Variants in MCPH1 observed in about 807,000 individuals in gnomAD.
MCPH1 encodes microcephalin.
Under a neutral mutation model 84.5 loss-of-function variants are expected in MCPH1, and 104 were observed. That is an observed-to-expected ratio of 1.23 (90% CI 1.05 to 1.45). The LOEUF (loss-of-function observed/expected upper bound fraction) is 1.45, where lower values mean the gene tolerates loss of function less well. MCPH1 is among the 40% of genes most tolerant of loss of function. MCPH1 has a pLI of 0.00. For synonymous variants in MCPH1, 514 were observed against 366.8 expected, an observed-to-expected ratio of 1.40 and a Z score of -4.58; for missense variants, 1,498 against 1,005.7, an observed-to-expected ratio of 1.49 and a Z score of -6.62.
intron 11 of MCPH1, among the ~76,000 whole-genome samples, chr8:6,495,274 G>T (rs1811105654): frequency 6.6e-6 from 1 of 152,118 alleles, no homozygotes; most frequent in Admixed American, 6.5e-5. Context: ...AACTACATGG[G>T]TGCTTTTTTA....
chr8:6,582,129 C>T (rs1211467975), intron 12 of MCPH1, among the ~76,000 whole-genome samples: 6 of 152,290 alleles, frequency 3.9e-5, no homozygotes, highest in African/African-American at 1.2e-4. Flanking sequence ...TTGTAAAGGA[C>T]GTCTGAGTGG....
intron 13 of MCPH1, chr8:6,622,216 C>T (rs547030371): frequency 1.4e-4 from 25 of 182,706 alleles, no homozygotes; most frequent in African/African-American, 5.6e-4. Context: ...ACAGTGTGAC[C>T]GTAATGTCCC....
At chr8:6,581,905 C>T (rs113166013) in intron 12 of MCPH1, among the ~76,000 whole-genome samples, 25 of 152,250 alleles carry the variant, frequency 1.6e-4, no homozygotes, top group African/African-American at 6.0e-4. Flanking sequence ...GGTGAGGGAG[C>T]TCTCTGGGGT....
chr8:6,553,416 C>T (rs147506705), intron 12 of MCPH1, among the ~76,000 whole-genome samples: 8 of 152,282 alleles, frequency 5.3e-5, no homozygotes, highest in Non-Finnish European at 5.9e-5. Context: ...GTTAAAAGTA[C>T]ACTAGCACAC....
At chr8:6,504,314 G>T (rs532395390) in intron 12 of MCPH1, among the ~76,000 whole-genome samples, 92 of 55,114 alleles carry the variant, frequency 1.7e-3, no homozygotes, top group African/African-American at 7.6e-3. Flanking sequence ...TGAGACTCCA[G>T]CTCAAAAAAA....
intron 8 of MCPH1, 90 bp downstream of exon 8, chr8:6,445,637 C>A (rs1804241000): frequency 6.7e-7 from 1 of 1,491,708 alleles, no homozygotes; most frequent in Admixed American, 2.4e-5. Context: ...TTTTTCATAA[C>A]TTATTTCCCC....
intron 9 of MCPH1, among the ~76,000 whole-genome samples, chr8:6,455,663 C>T (rs1805594606): frequency 2.0e-5 from 3 of 152,206 alleles, no homozygotes; most frequent in Admixed American, 6.5e-5. Flanking sequence ...GGTTTATATA[C>T]TAACACTCAG....
chr8:6,489,334 G>C (rs533089134), intron 11 of MCPH1, among the ~76,000 whole-genome samples: 1 of 151,982 alleles, frequency 6.6e-6, no homozygotes, highest in Non-Finnish European at 1.5e-5. Context: ...AGGGGGACCC[G>C]GGAACGGCTA....
intron 11 of MCPH1, among the ~76,000 whole-genome samples, chr8:6,493,125 A>G (rs1810838457): frequency 6.6e-6 from 1 of 152,192 alleles, no homozygotes; most frequent in Non-Finnish European, 1.5e-5. Flanking sequence ...TTTCCTTTTG[A>G]TAAGAGAAGT....
chr8:6,409,976 A>ATTTTTTTTTTTTTTTT (rs34420641), intron 2 of MCPH1, among the ~76,000 whole-genome samples: 1 of 147,584 alleles, frequency 6.8e-6, no homozygotes, highest in African/African-American at 2.5e-5. Context: ...GTAGGGAGTA[A>ATTTTTTTTTTTTTTTT]TTTTTTTTTT....
chr8:6,532,874 AATG>A (rs1160049485), intron 12 of MCPH1, among the ~76,000 whole-genome samples: 1 of 152,190 alleles, frequency 6.6e-6, no homozygotes, highest in Admixed American at 6.5e-5. Context: ...GCAGTCAGGA[AATG>A]ATAATTTGAC....
intron 12 of MCPH1, among the ~76,000 whole-genome samples, chr8:6,503,945 C>G (rs1382038784): frequency 3.3e-5 from 5 of 152,166 alleles, no homozygotes; most frequent in African/African-American, 7.2e-5. Flanking sequence ...CCCCCCTTAT[C>G]TGCTATTTTT....
intron 9 of MCPH1, chr8:6,473,734 G>C: frequency 1.9e-6 from 1 of 532,552 alleles, no homozygotes; most frequent in East Asian, 3.1e-5. Flanking sequence ...TCCGCCTGCT[G>C]GTCCTGCAAC....
rs774188140 is a variant in MCPH1 at position 6,499,896 on chromosome 8, G to A, written c.2181G>A (p.Pro727=). 25 of 1,613,504 alleles carry A rather than the reference G, an allele frequency of 1.5e-5. No individual in the cohort carries two copies. The highest frequency in any genetic ancestry group is 1.8e-4 in the Middle Eastern group (1 of 5,702). Residue 727 remains proline (P), a synonymous_variant, in exon 12 of 14, where the codon CCG becomes CCA. Coordinates refer to ENST00000344683, the MANE Select transcript of MCPH1 (RefSeq NM_024596.5). ...LELGHWISEE[P]FELSHHFPAA... ...TGGGTCACTGGATTTCTGAGGAGCC[G>A]TTCGAACTGTCTCACCACTTCCCTG... is the stretch of plus-strand genomic sequence containing the variant.
At chr8:6,452,144 C>A (rs906610295) in intron 8 of MCPH1, among the ~76,000 whole-genome samples, 21 of 152,174 alleles carry the variant, frequency 1.4e-4, no homozygotes, top group African/African-American at 5.1e-4. Flanking sequence ...TGTCCTTATA[C>A]TGTCTTGCCC....
At chr8:6,408,601 G>A (rs777074784) in intron 1 of MCPH1, among the ~76,000 whole-genome samples, 4 of 150,564 alleles carry the variant, frequency 2.7e-5, no homozygotes, top group Admixed American at 6.6e-5. Context: ...GCAATGGTGC[G>A]ATCATAACTC....
intron 12 of MCPH1, among the ~76,000 whole-genome samples, chr8:6,564,367 C>T (rs1038087570): frequency 2.6e-5 from 4 of 152,176 alleles, no homozygotes; most frequent in East Asian, 1.9e-4. Context: ...GTATTAGACT[C>T]GGGCAAGTCA....
rs56075253 is a variant in MCPH1 at position 6,502,606 on chromosome 8, A to T, written c.2214+2677A>T. ...GTAACCCCTTCTCAGAATATCCCTG[A>T]ATATGTCTTTTTATGGCTTAGAGAG... On this transcript the variant is annotated intron_variant, in intron 12 of 13. Transcript: ENST00000344683. 734 of 152,762 alleles carry T rather than the reference A, an allele frequency of 4.8e-3. 3 individuals are homozygous for T. Among genetic ancestry groups the T allele is most frequent in the Middle Eastern group, 0.014 (4 of 294 alleles). The allele number at this position is 152,762 out of a possible 1,614,324, so 9.5% of individuals were successfully genotyped here.
chr8:6,488,102 G>A (rs1240397583), intron 11 of MCPH1, among the ~76,000 whole-genome samples: 3 of 152,248 alleles, frequency 2.0e-5, no homozygotes, highest in Admixed American at 2.0e-4. Flanking sequence ...CACTTGAGGT[G>A]GTTCCTGAGC....
Sources: gnomAD v4.1 joint callset for allele counts (sites outside exome capture counted in the v4.1 genomes callset) on GRCh38, gnomAD v4.1.1 for gene constraint, MANE v1.5 for transcripts, NCBI Gene and HGNC (gene_info 2026-07-23, HGNC 2026-07-21) for gene names.